RCAN2: variants seen among roughly 807,000 people sequenced by gnomAD.
RCAN2 encodes regulator of calcineurin 2.
A neutral mutation model predicts 23.6 loss-of-function variants in RCAN2; 9 were observed. The ratio of observed to expected loss-of-function variants is 0.38; its 90% CI spans 0.23 to 0.67. The LOEUF (loss-of-function observed/expected upper bound fraction) is 0.67, where lower values mean the gene tolerates loss of function less well. RCAN2 is among the 30% of genes least tolerant of loss of function. The probability of loss-of-function intolerance (pLI) is 0.51; values close to 1 mark genes in which losing one functional copy is unlikely to be tolerated. For synonymous variants in RCAN2, 109 were observed against 115.7 expected (o/e 0.94, Z 0.37); for missense variants, 273 against 302.3 (o/e 0.90, Z 0.72).
intron 2 of RCAN2, among the ~76,000 whole-genome samples, chr6:46,273,537 T>C (rs1190343334): frequency 6.6e-6 from 1 of 152,198 alleles, no homozygotes; most frequent in Non-Finnish European, 1.5e-5. Context: ...TAAGTGATTT[T>C]CCTTTGCTGA....
At chr6:46,341,273 G>C (rs546022265) in intron 2 of RCAN2, among the ~76,000 whole-genome samples, 1 of 152,092 alleles carries the variant, frequency 6.6e-6, no homozygotes, top group Non-Finnish European at 1.5e-5. Context: ...GTATTTCTAA[G>C]CACTTGAAGG....
chr6:46,431,051 C>T (rs529945362), intron 2 of RCAN2, among the ~76,000 whole-genome samples: 1 of 152,100 alleles, frequency 6.6e-6, no homozygotes, highest in African/African-American at 2.4e-5. Flanking sequence ...CTTGGAGGAA[C>T]TTTCTGCTGG....
At chr6:46,478,153 G>A (rs1002518149) in intron 1 of RCAN2, among the ~76,000 whole-genome samples, 1 of 152,108 alleles carries the variant, frequency 6.6e-6, no homozygotes, top group Non-Finnish European at 1.5e-5. Flanking sequence ...TGATCATTTT[G>A]CCCAATACTT....
intron 2 of RCAN2, among the ~76,000 whole-genome samples, chr6:46,447,331 T>G (rs1767744220): frequency 6.6e-6 from 1 of 151,670 alleles, no homozygotes; most frequent in South Asian, 2.1e-4. Flanking sequence ...ATAAAGCAAA[T>G]ATTAATAGAT....
chr6:46,467,376 G>C (rs1768417060), intron 1 of RCAN2, among the ~76,000 whole-genome samples: 1 of 152,176 alleles, frequency 6.6e-6, no homozygotes, highest in Admixed American at 6.5e-5. Context: ...GCCTTTTATA[G>C]TGCTGTTTTG....
At position 46,467,093 on chromosome 6, in the gene RCAN2, T is replaced by A. The variant is rs911638993; in HGVS notation, c.-2-10115A>T. Among the ~76,000 whole-genome samples, 13 of 152,288 alleles carry A rather than the reference T, an allele frequency of 8.5e-5. 1 individual carries two copies. In the East Asian group the frequency reaches 2.5e-3, roughly 29 times the overall value. The stretch of plus-strand genomic sequence containing the variant: ...CTTGCGCTTGCACCTCTTGGGACAC[T>A]TACTTTGTTTTGCCTCTCTTTGCAC... On this transcript the variant is annotated intron_variant, in intron 1 of 4. Transcript: ENST00000371374.
At chr6:46,284,099 T>A (rs1297191574) in intron 2 of RCAN2, among the ~76,000 whole-genome samples, 2 of 152,226 alleles carry the variant, frequency 1.3e-5, no homozygotes, top group Non-Finnish European at 2.9e-5. Flanking sequence ...AATTTTTTTT[T>A]AATAAATGAG....
chr6:46,402,522 T>C (rs181952387), intron 2 of RCAN2, among the ~76,000 whole-genome samples: 1 of 152,308 alleles, frequency 6.6e-6, no homozygotes, highest in East Asian at 1.9e-4. Flanking sequence ...AGTTTGTCTC[T>C]GCCTTCCCAT....
chr6:46,472,649 G>A (rs1341417051), intron 1 of RCAN2, among the ~76,000 whole-genome samples: 1 of 152,062 alleles, frequency 6.6e-6, no homozygotes, highest in Non-Finnish European at 1.5e-5. Flanking sequence ...TTTCCAACCT[G>A]CAAATGCAGA....
At chr6:46,281,142 A>G (rs1767897744) in intron 2 of RCAN2, among the ~76,000 whole-genome samples, 1 of 152,180 alleles carries the variant, frequency 6.6e-6, no homozygotes, top group East Asian at 1.9e-4. Flanking sequence ...AAGAAAAGTC[A>G]GAGACACCAG....
At chr6:46,369,444 A>G (rs1206424749) in intron 2 of RCAN2, among the ~76,000 whole-genome samples, 1 of 152,234 alleles carries the variant, frequency 6.6e-6, no homozygotes, top group African/African-American at 2.4e-5. Context: ...TATGACTGAC[A>G]GTATAATATG....
chr6:46,484,181 AC>A (rs1768935724), intron 1 of RCAN2, among the ~76,000 whole-genome samples: 1 of 152,218 alleles, frequency 6.6e-6, no homozygotes, highest in African/African-American at 2.4e-5. Context: ...TTGGCTGTTT[AC>A]CTCAATAAAT....
chr6:46,452,940 TA>T (rs1406062438), intron 2 of RCAN2, among the ~76,000 whole-genome samples: 4 of 151,982 alleles, frequency 2.6e-5, no homozygotes, highest in African/African-American at 9.7e-5. Context: ...AGTATAATAA[TA>T]AAAAAAAGTC....
intron 4 of RCAN2, among the ~76,000 whole-genome samples, chr6:46,235,274 A>G (rs530230018): frequency 3.9e-5 from 6 of 152,318 alleles, no homozygotes; most frequent in Non-Finnish European, 5.9e-5. Flanking sequence ...AAATCTTCCT[A>G]TAAGTTTAGT....
intron 2 of RCAN2, among the ~76,000 whole-genome samples, chr6:46,274,750 G>A (rs139037115): frequency 3.3e-5 from 5 of 152,310 alleles, no homozygotes; most frequent in Admixed American, 6.5e-5. Context: ...GAGAGGTCCC[G>A]AGACAGCCCC....
At chr6:46,486,402 C>T (rs959852319) in intron 1 of RCAN2, among the ~76,000 whole-genome samples, 1 of 152,170 alleles carries the variant, frequency 6.6e-6, no homozygotes, top group African/African-American at 2.4e-5. Flanking sequence ...CTCAAGGTCA[C>T]ATAGCAGGGA....
At chr6:46,396,529 T>C (rs1413651898) in intron 2 of RCAN2, among the ~76,000 whole-genome samples, 2 of 152,176 alleles carry the variant, frequency 1.3e-5, no homozygotes, top group Non-Finnish European at 2.9e-5. Flanking sequence ...GATGCGTTTA[T>C]GTGTGCTTGA....
chr6:46,419,302 C>CT (rs543457996), intron 2 of RCAN2, among the ~76,000 whole-genome samples: 36 of 152,216 alleles, frequency 2.4e-4, no homozygotes, highest in Admixed American at 1.5e-3. Flanking sequence ...GCCCAACAAC[C>CT]TTTTTTCAAA....
Position 46,319,177 on chromosome 6 carries a change from A to G in RCAN2, c.226-70281T>C, listed in dbSNP as rs536842442. Among the ~76,000 whole-genome samples, 4 of 152,328 alleles carry G rather than the reference A, an allele frequency of 2.6e-5. No individual in the cohort carries two copies. The East Asian group carries it at 5.8e-4, about 22-fold the overall frequency. On this transcript the variant is annotated intron_variant, in intron 2 of 4. Transcript: ENST00000371374. The stretch of plus-strand genomic sequence containing the variant: ...TAGTCACTGCAAAGTTGCAATGCCT[A>G]TTAAGCCCATTAAGCTTACCACCTA...
Sources: gnomAD v4.1 joint callset for allele counts (sites outside exome capture counted in the v4.1 genomes callset) on GRCh38, gnomAD v4.1.1 for gene constraint, MANE v1.5 for transcripts, NCBI Gene and HGNC (gene_info 2026-07-23, HGNC 2026-07-21) for gene names.